The following CTNNA2 variants were observed in gnomAD, a reference collection of about 807,000 sequenced individuals.
CTNNA2 encodes the protein catenin alpha-2.
Under a neutral mutation model 101.0 loss-of-function variants are expected in CTNNA2, and 42 were observed. The observed-to-expected ratio is 0.42, with a 90% CI of 0.32 to 0.54. The LOEUF (loss-of-function observed/expected upper bound fraction) is 0.54. CTNNA2 is among the 20% of genes least tolerant of loss of function. The pLI is 0.14. For synonymous variants in CTNNA2, 450 were observed against 456.4 expected (o/e 0.99, Z 0.18); for missense variants, 871 against 1,223.1 (o/e 0.71, Z 4.29).
chr2:80,631,741 T>C (rs1220752553), intron 18 of CTNNA2, among the ~76,000 whole-genome samples: 1 of 152,192 alleles, frequency 6.6e-6, no homozygotes, highest in African/African-American at 2.4e-5. Context: ...AACTGTGGTA[T>C]ATTGATAAAT....
chr2:80,414,629 C>T (rs543952635), intron 8 of CTNNA2, among the ~76,000 whole-genome samples: 1 of 152,276 alleles, frequency 6.6e-6, no homozygotes, highest in South Asian at 2.1e-4. Flanking sequence ...GGACGTATGA[C>T]CCAGAGTTCT....
chr2:79,987,681 A>T (rs1431848616), intron 7 of CTNNA2, among the ~76,000 whole-genome samples: 1 of 152,158 alleles, frequency 6.6e-6, no homozygotes, highest in African/African-American at 2.4e-5. Context: ...ATGACTGTAG[A>T]GTTGTTATGT....
At chr2:80,388,671 G>A (rs762332025) in intron 7 of CTNNA2, among the ~76,000 whole-genome samples, 3 of 152,164 alleles carry the variant, frequency 2.0e-5, no homozygotes, top group Non-Finnish European at 4.4e-5. Context: ...GTTTCCTTCT[G>A]TTCAGCAAAA....
At chr2:80,141,152 A>G (rs924962625) in intron 7 of CTNNA2, among the ~76,000 whole-genome samples, 1 of 152,048 alleles carries the variant, frequency 6.6e-6, no homozygotes, top group Non-Finnish European at 1.5e-5. Context: ...AGCCTGCCTC[A>G]GGAAGGATGG....
chr2:80,215,251 CCTT>C (rs1708185919), intron 7 of CTNNA2, among the ~76,000 whole-genome samples: 1 of 152,156 alleles, frequency 6.6e-6, no homozygotes, highest in African/African-American at 2.4e-5. Flanking sequence ...TCATCTGAAG[CCTT>C]CTTCTCTCAG....
At chr2:79,854,688 C>T (rs1680990534) in intron 3 of CTNNA2, among the ~76,000 whole-genome samples, 1 of 152,040 alleles carries the variant, frequency 6.6e-6, no homozygotes, top group Non-Finnish European at 1.5e-5. Flanking sequence ...TTCTTCTTTT[C>T]AGCAGGTTGT....
intron 7 of CTNNA2, among the ~76,000 whole-genome samples, chr2:80,349,840 C>T (rs978308487): frequency 2.0e-5 from 3 of 152,020 alleles, no homozygotes; most frequent in Non-Finnish European, 2.9e-5. Flanking sequence ...TTTCTCTTCT[C>T]CCATCTTTTC....
intron 7 of CTNNA2, among the ~76,000 whole-genome samples, chr2:80,173,429 T>C (rs983555659): frequency 6.6e-6 from 1 of 152,180 alleles, no homozygotes; most frequent in Non-Finnish European, 1.5e-5. Context: ...GAGACAGACA[T>C]GCAATTCATT....
chr2:79,698,547 G>T (rs916050244), intron 2 of CTNNA2, among the ~76,000 whole-genome samples: 2 of 152,128 alleles, frequency 1.3e-5, no homozygotes, highest in South Asian at 2.1e-4. Flanking sequence ...GTCCAGAGGG[G>T]TGCCTATTAC....
At chr2:80,591,079 A>G (rs1478942603) in intron 15 of CTNNA2, among the ~76,000 whole-genome samples, 2 of 152,268 alleles carry the variant, frequency 1.3e-5, no homozygotes, top group East Asian at 3.9e-4. Flanking sequence ...ACTAGTTTTG[A>G]TCAGGAGCAC....
intron 15 of CTNNA2, among the ~76,000 whole-genome samples, chr2:80,593,214 G>T (rs1407602855): frequency 3.9e-5 from 6 of 152,100 alleles, no homozygotes; most frequent in Non-Finnish European, 8.8e-5. Flanking sequence ...AAACACAAGG[G>T]CTGTGGGTCG....
At chr2:79,434,946 G>T (rs1427074702) in intron 4 of CTNNA2, among the ~76,000 whole-genome samples, 1 of 152,104 alleles carries the variant, frequency 6.6e-6, no homozygotes, top group Non-Finnish European at 1.5e-5. Flanking sequence ...CCACATACTG[G>T]AATTTTCTTG....
intron 2 of CTNNA2, among the ~76,000 whole-genome samples, chr2:79,200,771 A>C (rs1189913807): frequency 6.6e-6 from 1 of 152,104 alleles, no homozygotes. Context: ...ATACACACAC[A>C]TCTTGGATGT....
chr2:79,364,789 C>A (rs1165853029), intron 3 of CTNNA2, among the ~76,000 whole-genome samples: 2 of 152,090 alleles, frequency 1.3e-5, no homozygotes, highest in Non-Finnish European at 2.9e-5. Flanking sequence ...AGACTGAATT[C>A]TTTGTAAAAA....
At chr2:79,651,378 T>A (rs1265761366) in intron 1 of CTNNA2, among the ~76,000 whole-genome samples, 174 bp from the exon 2 acceptor site, 1 of 152,164 alleles carries the variant, frequency 6.6e-6, no homozygotes, top group Non-Finnish European at 1.5e-5. Context: ...ATTCCAACAT[T>A]GCCACCTCAC....
intron 6 of CTNNA2, among the ~76,000 whole-genome samples, chr2:79,900,376 G>A (rs1447440512): frequency 6.6e-6 from 1 of 152,066 alleles, no homozygotes; most frequent in Non-Finnish European, 1.5e-5. Flanking sequence ...TGTTTGGTTT[G>A]GGATTGTATC....
At chr2:80,168,216 C>T (rs1215421166) in intron 7 of CTNNA2, among the ~76,000 whole-genome samples, 6 of 152,088 alleles carry the variant, frequency 3.9e-5, no homozygotes, top group African/African-American at 1.4e-4. Flanking sequence ...TCCAGCCTCA[C>T]AGCTCTCAGA....
intron 7 of CTNNA2, among the ~76,000 whole-genome samples, chr2:80,058,316 A>G (rs1331587823): frequency 6.6e-6 from 1 of 152,248 alleles, no homozygotes; most frequent in African/African-American, 2.4e-5. Flanking sequence ...GATCATACGT[A>G]GTTTTCATTA....
chr2:80,614,395 G>C (rs1378295775), intron 17 of CTNNA2, among the ~76,000 whole-genome samples: 1 of 151,406 alleles, frequency 6.6e-6, no homozygotes, highest in Non-Finnish European at 1.5e-5. Flanking sequence ...AAGTGATCTG[G>C]AGAGGATTTA....
Sources: gnomAD v4.1 joint callset for allele counts (sites outside exome capture counted in the v4.1 genomes callset) on GRCh38, gnomAD v4.1.1 for gene constraint, MANE v1.5 for transcripts, NCBI Gene and HGNC (gene_info 2026-07-23, HGNC 2026-07-21) for gene names.